Variants in NEIL3 observed in about 807,000 individuals in gnomAD.
NEIL3 encodes the protein endonuclease 8-like 3.
A neutral mutation model predicts 57.5 loss-of-function variants in NEIL3; 48 were observed. That is an observed-to-expected ratio of 0.83 (90% CI 0.66 to 1.06). NEIL3 has a LOEUF of 1.06. Ranked by LOEUF, NEIL3 falls within the 50% of genes least tolerant of loss-of-function variation. NEIL3 has a pLI of 0.00. For missense variants in NEIL3, 717 were observed against 739.1 expected (o/e 0.97, Z 0.35); for synonymous variants, 261 against 253.2 (o/e 1.03, Z -0.29).
At chr4:177,356,500 A>G (rs1735475950) in intron 8 of NEIL3, among the ~76,000 whole-genome samples, 1 of 152,204 alleles carries the variant, frequency 6.6e-6, no homozygotes, top group African/African-American at 2.4e-5. Context: ...ATAAATTGCA[A>G]ATTACTGTCA....
At chr4:177,334,556 A>G (rs1439941340) in intron 2 of NEIL3, among the ~76,000 whole-genome samples, 1 of 152,190 alleles carries the variant, frequency 6.6e-6, no homozygotes, top group African/African-American at 2.4e-5. Context: ...GCTTCTGGGC[A>G]TGACAGTTGT....
intron 6 of NEIL3, among the ~76,000 whole-genome samples, chr4:177,346,836 G>A (rs1211616446): frequency 6.6e-6 from 1 of 151,682 alleles, no homozygotes; most frequent in Non-Finnish European, 1.5e-5. Context: ...CCATCTCTAC[G>A]AAAAATACAA....
intron 2 of NEIL3, among the ~76,000 whole-genome samples, chr4:177,331,698 C>A (rs1008236274): frequency 4.6e-5 from 7 of 152,086 alleles, no homozygotes. Flanking sequence ...AGCTAAATCC[C>A]AGACACCATG....
At chr4:177,368,067 C>T in the NEIL3 span, among the ~76,000 whole-genome samples, 14,760 of 152,166 alleles carry the variant, frequency 0.097, 810 homozygotes, top group South Asian at 0.17. Context: ...TATTCTCCTT[C>T]TCATTTATTA....
At chr4:177,347,678 G>T (rs1735252254) in intron 6 of NEIL3, among the ~76,000 whole-genome samples, 1 of 151,760 alleles carries the variant, frequency 6.6e-6, no homozygotes, top group African/African-American at 2.4e-5. Context: ...AAGGTGGTGG[G>T]AAAAAAAGGT....
chr4:177,336,178 T>A lies in NEIL3; in HGVS notation c.484T>A (p.Phe162Ile). The part of the protein sequence containing the change: ...ELDVCSPEFS[F>I]LRAESEVKKQ... ...AGATGTATGTTCACCTGAATTTAGTTTCTTGAGAGCAGAAAGTGAAGTTAA... is the reference window on the plus strand; with the variant it reads ...AGATGTATGTTCACCTGAATTTAGTATCTTGAGAGCAGAAAGTGAAGTTAA... The change falls in exon 4 of 10, where the codon TTC (phenylalanine) becomes ATC (isoleucine). Residue 162 changes from phenylalanine to isoleucine, a missense_variant. Phe to Ile is a conservative substitution (Grantham distance 21). Transcript: ENST00000264596. 2 of 1,614,062 alleles carry A rather than the reference T, an allele frequency of 1.2e-6. No homozygotes were observed. The highest frequency in any genetic ancestry group is 1.1e-5 in the South Asian group (1 of 91,084).
At chr4:177,365,430 A>G (rs1247540320), downstream of NEIL3, among the ~76,000 whole-genome samples, 1 of 152,228 alleles carries the variant, frequency 6.6e-6, no homozygotes, top group Non-Finnish European at 1.5e-5. Context: ...CCAAGTATAC[A>G]ATACAATAAT....
chr4:177,362,841 G>A lies in NEIL3; in HGVS notation c.*370G>A, dbSNP rs1735637115. ...CACAATAAAATAAGATATTCTGTCT[G>A]TAGTGAATACATTTCTCATGTACTA... On this transcript the variant is annotated 3_prime_UTR_variant, in exon 10 of 10. Coordinates refer to ENST00000264596, the MANE Select transcript of NEIL3 (RefSeq NM_018248.3). 1 of 154,566 alleles carries A rather than the reference G, an allele frequency of 6.5e-6. No individual in the cohort carries two copies. The highest frequency in any genetic ancestry group is 1.4e-5 in the Non-Finnish European group (1 of 69,774). 9.6% of individuals were successfully genotyped at this position (154,566 alleles called of 1,614,324 possible).
intron 8 of NEIL3, 33 bp from the exon 9 acceptor site, chr4:177,360,470 A>C (rs763594465): frequency 6.3e-7 from 1 of 1,584,814 alleles, no homozygotes; most frequent in Non-Finnish European, 8.6e-7. Flanking sequence ...TAGCACTCCT[A>C]TGCTGTACTT....
chr4:177,366,388 C>T (rs780196927), downstream of NEIL3, among the ~76,000 whole-genome samples: 51 of 152,088 alleles, frequency 3.4e-4, no homozygotes, highest in Non-Finnish European at 6.2e-4. Flanking sequence ...AGTTTGCAAC[C>T]ATTATCTCTT....
intron 6 of NEIL3, among the ~76,000 whole-genome samples, chr4:177,351,175 A>G (rs1407964032): frequency 7.2e-6 from 1 of 139,032 alleles, no homozygotes; most frequent in Non-Finnish European, 1.5e-5. Flanking sequence ...CTACGCTGCA[A>G]CCTGGATGAC....
chr4:177,364,398 G>A (rs1420737637), downstream of NEIL3, among the ~76,000 whole-genome samples: 3 of 152,074 alleles, frequency 2.0e-5, no homozygotes, highest in Non-Finnish European at 4.4e-5. Context: ...TTTGTCCTGA[G>A]GGCAGAACAA....
Position 177,362,092 on chromosome 4 carries a change from A to G in NEIL3, c.1636-197A>G, listed in dbSNP as rs138136093. The stretch of plus-strand genomic sequence containing the variant: ...TGGCCATTTTCTGCGTGATTCAAAC[A>G]AATTTGTAAGAGAGATGCTTCTTTT... On this transcript the variant is annotated intron_variant, in intron 9 of 9. Transcript: ENST00000264596. Among the ~76,000 whole-genome samples, 1,132 of 152,298 alleles carry G rather than the reference A, an allele frequency of 7.4e-3. 5 individuals carry two copies. The highest frequency in any genetic ancestry group is 0.024 in the Middle Eastern group (7 of 294).
At chr4:177,332,208 T>C (rs1193196376) in intron 2 of NEIL3, among the ~76,000 whole-genome samples, 1 of 152,202 alleles carries the variant, frequency 6.6e-6, no homozygotes, top group Non-Finnish European at 1.5e-5. Flanking sequence ...GTGGGTGTAC[T>C]TGGGTCAGAG....
At chr4:177,354,508 G>A (rs1579007114) in intron 8 of NEIL3, among the ~76,000 whole-genome samples, 3 of 152,114 alleles carry the variant, frequency 2.0e-5, no homozygotes, top group South Asian at 2.1e-4. Context: ...GTTAAAGAAC[G>A]TGGATGGATC....
intron 2 of NEIL3, among the ~76,000 whole-genome samples, chr4:177,327,411 A>G (rs1320058888): frequency 6.6e-6 from 1 of 152,158 alleles, no homozygotes; most frequent in East Asian, 1.9e-4. Context: ...TTTCTGATCT[A>G]TATGACTTTT....
chr4:177,365,571 C>CT (rs1377627366), downstream of NEIL3, among the ~76,000 whole-genome samples: 1 of 152,150 alleles, frequency 6.6e-6, no homozygotes, highest in African/African-American at 2.4e-5. Context: ...AAAATTTACT[C>CT]TGACTGCAGT....
intron 8 of NEIL3, among the ~76,000 whole-genome samples, chr4:177,356,441 G>T (rs1735474894): frequency 6.6e-6 from 1 of 152,166 alleles, no homozygotes; most frequent in Non-Finnish European, 1.5e-5. Context: ...GTCAAGTGAT[G>T]AAATAAATTC....
intron 2 of NEIL3, among the ~76,000 whole-genome samples, chr4:177,325,990 G>A (rs770530973): frequency 2.0e-5 from 3 of 151,814 alleles, no homozygotes; most frequent in Non-Finnish European, 2.9e-5. Context: ...CCAATCTATG[G>A]CTTTTCTCTT....
Sources: allele counts gnomAD v4.1 joint callset (sites outside exome capture counted in the v4.1 genomes callset), GRCh38; gene constraint gnomAD v4.1.1; transcripts MANE v1.5; gene names NCBI Gene and HGNC (gene_info 2026-07-23, HGNC 2026-07-21).